The following PSMG4 variants were observed in gnomAD, a reference collection of about 807,000 sequenced individuals.
PSMG4 encodes the protein proteasome (prosome, macropain) assembly chaperone 4.
A neutral mutation model predicts 11.0 loss-of-function variants in PSMG4; 10 were observed. The ratio of observed to expected loss-of-function variants is 0.91; its 90% CI spans 0.56 to 1.54. The LOEUF (loss-of-function observed/expected upper bound fraction) is 1.54. Among genes scored for constraint, PSMG4 ranks in the 40% most tolerant of loss-of-function variants. The probability of loss-of-function intolerance (pLI) is 0.00; values close to 1 mark genes in which losing one functional copy is unlikely to be tolerated. For synonymous variants in PSMG4, 95 were observed against 71.3 expected, an observed-to-expected ratio of 1.33 and a Z score of -1.68; for missense variants, 198 against 160.9, an observed-to-expected ratio of 1.23 and a Z score of -1.25.
intron 2 of PSMG4, chr6:3,266,948 CGG>C (rs1467010174): frequency 1.3e-5 from 2 of 151,182 alleles, no homozygotes; most frequent in African/African-American, 2.4e-5. Flanking sequence ...CTCCGCCTCC[CGG>C]GTTCACGCCA....
upstream of PSMG4, chr6:3,254,963 G>C (rs1421991926): frequency 4.3e-6 from 6 of 1,402,114 alleles, no homozygotes; most frequent in East Asian, 1.5e-4. Context: ...GTGTTGCAGA[G>C]CATGTGATGT....
chr6:3,258,885 A>ACGCCCCTCACCCC (rs1757852149), upstream of PSMG4: 6 of 849,390 alleles, frequency 7.1e-6, no homozygotes, highest in Non-Finnish European at 7.8e-6. Context: ...CTCCCCGACC[A>ACGCCCCTCACCCC]CGCCCCTCAC....
chr6:3,255,342 T>A, upstream of PSMG4: 1 of 1,457,208 alleles, frequency 6.9e-7, no homozygotes. Context: ...GGAGTCATTC[T>A]ATGTAGTTGC....
At chr6:3,254,429 T>C (rs904889406), upstream of PSMG4, among the ~76,000 whole-genome samples, 2 of 144,358 alleles carry the variant, frequency 1.4e-5, no homozygotes, top group Non-Finnish European at 3.1e-5. Context: ...GAGGTATGGC[T>C]TTGTGCTGTA....
intron 1 of PSMG4, among the ~76,000 whole-genome samples, chr6:3,259,857 G>A (rs1757910683): frequency 6.6e-6 from 1 of 152,192 alleles, no homozygotes; most frequent in Non-Finnish European, 1.5e-5. Context: ...TTCCGGCTTT[G>A]CGTGTCGCCG....
chr6:3,254,434 G>T (rs555557042), upstream of PSMG4, among the ~76,000 whole-genome samples: 1 of 133,212 alleles, frequency 7.5e-6, no homozygotes, highest in Non-Finnish European at 1.7e-5. Context: ...ATGGCTTTGT[G>T]CTGTAATAGT....
intron 2 of PSMG4, chr6:3,264,137 C>T: frequency 6.5e-7 from 1 of 1,538,810 alleles, no homozygotes; most frequent in Non-Finnish European, 8.8e-7. Context: ...TAGGAGGAGT[C>T]AGTGCAGCTG....
chr6:3,255,701 G>A (rs1326817423), upstream of PSMG4, among the ~76,000 whole-genome samples: 1 of 152,248 alleles, frequency 6.6e-6, no homozygotes, highest in African/African-American at 2.4e-5. Flanking sequence ...ATGGCCAAAA[G>A]CAGGAACTGA....
chr6:3,260,274 A>ATT lies in PSMG4; in HGVS notation c.174+1079_174+1080dup, dbSNP rs1368274488. ...CTACTCCAGTATAACCTTGTCTTAAATTGTATATATATATATATTTTTTTT... is the reference window on the plus strand; with the variant it reads ...CTACTCCAGTATAACCTTGTCTTAAATTTTGTATATATATATATATTTTTTTT... On this transcript the variant is annotated intron_variant, in intron 1 of 2. Coordinates refer to ENST00000438998, the MANE Select transcript of PSMG4 (RefSeq NM_001128591.2). Among the ~76,000 whole-genome samples, 111 of 93,310 alleles carry ATT rather than the reference A, an allele frequency of 1.2e-3. 20 individuals are homozygous for ATT. The highest frequency in any genetic ancestry group is 9.3e-3 in the Middle Eastern group (2 of 216). 61.2% of individuals were successfully genotyped at this position (93,310 alleles called of 152,430 possible).
chr6:3,267,619 C>G lies in PSMG4; in HGVS notation c.279C>G (p.Val93=). 6.4e-7 allele frequency: 1 copy of G among 1,551,830 alleles called. No homozygotes were observed. The highest frequency in any genetic ancestry group is 1.4e-5 in the African/African-American group (1 of 73,166). ...LARKTNKQVF[V]SYNLQNTDSN... ...GGAAGACCAACAAACAGGTGTTTGT[C>G]AGCTATAACCTTCAGAACACAGACA... Residue 93 remains valine (V), a synonymous_variant, in exon 3 of 3, where the codon GTC becomes GTG. Transcript: ENST00000438998.
At chr6:3,256,938 G>A (rs1305181145), upstream of PSMG4, among the ~76,000 whole-genome samples, 3 of 123,316 alleles carry the variant, frequency 2.4e-5, no homozygotes, top group Admixed American at 9.2e-5. Context: ...CTTTGGAGAC[G>A]CATCACAGAT....
upstream of PSMG4, among the ~76,000 whole-genome samples, chr6:3,255,948 T>C (rs1486609902): frequency 3.3e-5 from 5 of 152,232 alleles, no homozygotes; most frequent in African/African-American, 1.2e-4. Flanking sequence ...CCTATGGCAT[T>C]ATCACACCAC....
At chr6:3,255,038 A>T (rs777329097), upstream of PSMG4, 1 of 1,549,664 alleles carries the variant, frequency 6.5e-7, no homozygotes, top group African/African-American at 1.4e-5. Context: ...GCGCTTTCTG[A>T]TTCTCTGGAC....
rs774804494 is a variant in PSMG4, at chr6:3,267,576, GTT to G, written c.251-12_251-11del. On this transcript the variant is annotated splice_polypyrimidine_tract_variant and intron_variant, in intron 2 of 2. Transcript: ENST00000438998. ...ATTTCAGGAGTGGCTGTATCAATGT[GTT>G]TTCTCTTTTTAGCCAGGAAGACCAA... 2.3e-5 allele frequency: 36 copies of G among 1,550,740 alleles called. No individual in the cohort carries two copies. Among genetic ancestry groups the G allele is most frequent in the Non-Finnish European group, 3.1e-5 (36 of 1,146,484 alleles).
chr6:3,262,533 G>A (rs1437136706), intron 1 of PSMG4, among the ~76,000 whole-genome samples: 61 of 152,206 alleles, frequency 4.0e-4, no homozygotes, highest in Non-Finnish European at 5.9e-5. Context: ...GTCTTTTGTG[G>A]AAGTGGCTTT....
intron 1 of PSMG4, 86 bp downstream of exon 1, chr6:3,259,282 C>T (rs1757877532): frequency 6.0e-6 from 7 of 1,157,668 alleles, no homozygotes; most frequent in East Asian, 3.3e-5. Context: ...CCCCAGGCTT[C>T]TCTTGGGTCC....
intron 2 of PSMG4, chr6:3,265,235 C>G (rs889388807): frequency 6.6e-6 from 1 of 152,076 alleles, no homozygotes; most frequent in Non-Finnish European, 1.5e-5. Flanking sequence ...CCAGCAAAGT[C>G]CCATGCTTTG....
intron 2 of PSMG4, chr6:3,264,717 T>C (rs1352663571): frequency 6.3e-6 from 1 of 159,482 alleles, no homozygotes; most frequent in African/African-American, 2.4e-5. Flanking sequence ...AATTTTTAAC[T>C]AGGAAGTAAA....
intron 2 of PSMG4, chr6:3,264,602 G>A (rs1758115324): frequency 3.0e-6 from 1 of 331,102 alleles, no homozygotes; most frequent in African/African-American, 3.8e-5. Flanking sequence ...GACAGTATGT[G>A]GATAGGACAG....
Sources: gnomAD v4.1 joint callset for allele counts (sites outside exome capture counted in the v4.1 genomes callset) on GRCh38, gnomAD v4.1.1 for gene constraint, MANE v1.5 for transcripts, NCBI Gene and HGNC (gene_info 2026-07-23, HGNC 2026-07-21) for gene names.